FAM110B: variants seen among roughly 807,000 people sequenced by gnomAD.
FAM110B encodes family with sequence similarity 110 member B.
FAM110B carries 6 observed loss-of-function variants against 20.4 expected under a neutral mutation model. The observed-to-expected ratio is 0.29, with a 90% CI of 0.16 to 0.58. The LOEUF (loss-of-function observed/expected upper bound fraction) is 0.58, where lower values mean the gene tolerates loss of function less well. Ranked by LOEUF, FAM110B falls within the 20% of genes least tolerant of loss-of-function variation. FAM110B has a pLI of 0.90. For missense variants in FAM110B, 434 were observed against 498.2 expected, an observed-to-expected ratio of 0.87 and a Z score of 1.23; for synonymous variants, 226 against 214.1, an observed-to-expected ratio of 1.06 and a Z score of -0.49.
intron 2 of FAM110B, among the ~76,000 whole-genome samples, chr8:58,034,941 A>G (rs1233756824): frequency 2.6e-5 from 4 of 152,194 alleles, no homozygotes; most frequent in African/African-American, 9.6e-5. Flanking sequence ...AGTAGTAGGG[A>G]AGAATGGCCG....
chr8:58,052,119 C>A (rs1805457451), intron 2 of FAM110B, among the ~76,000 whole-genome samples: 1 of 152,214 alleles, frequency 6.6e-6, no homozygotes, highest in Non-Finnish European at 1.5e-5. Context: ...ACATGGGAAT[C>A]ATCTGTGAGG....
At chr8:58,032,214 A>G (rs1027371768) in intron 2 of FAM110B, 2 of 152,254 alleles carry the variant, frequency 1.3e-5, no homozygotes, top group Non-Finnish European at 2.9e-5. Flanking sequence ...CTCAGTGGAC[A>G]TTTAACTTCC....
intron 3 of FAM110B, among the ~76,000 whole-genome samples, chr8:58,132,397 AT>A (rs11383772): frequency 1.1e-3 from 156 of 146,600 alleles, no homozygotes; most frequent in Middle Eastern, 7.0e-3. Flanking sequence ...GCTGGCCAGT[AT>A]TTTTTTTTTT....
At chr8:58,068,445 T>TGG (rs2150588942) in intron 2 of FAM110B, among the ~76,000 whole-genome samples, 1 of 152,366 alleles carries the variant, frequency 6.6e-6, no homozygotes, top group African/African-American at 2.4e-5. Flanking sequence ...CACTGGTTTG[T>TGG]TTCCCAACAG....
chr8:58,068,704 A>C (rs2150589131), intron 2 of FAM110B, among the ~76,000 whole-genome samples: 1 of 152,280 alleles, frequency 6.6e-6, no homozygotes, highest in South Asian at 2.1e-4. Context: ...TATGAAAAAA[A>C]CCATTTAACA....
At chr8:58,114,540 A>AC (rs1807148832) in intron 3 of FAM110B, among the ~76,000 whole-genome samples, 1 of 152,172 alleles carries the variant, frequency 6.6e-6, no homozygotes, top group African/African-American at 2.4e-5. Flanking sequence ...CAGGCATTCT[A>AC]TGCAAGGCTT....
intron 3 of FAM110B, among the ~76,000 whole-genome samples, chr8:58,132,354 G>T (rs1213432730): frequency 2.0e-5 from 3 of 151,946 alleles, no homozygotes; most frequent in Non-Finnish European, 2.9e-5. Context: ...CATGGGGCTT[G>T]GCATCGTACA....
At chr8:58,114,283 C>T (rs72662405) in intron 3 of FAM110B, among the ~76,000 whole-genome samples, 12,901 of 152,002 alleles carry the variant, frequency 0.085, 808 homozygotes, top group African/African-American at 0.17. Flanking sequence ...TGCTATTCCT[C>T]GATAGTCTAA....
chr8:58,006,040 T>G (rs529228243), intron 1 of FAM110B, among the ~76,000 whole-genome samples: 1 of 152,220 alleles, frequency 6.6e-6, no homozygotes, highest in South Asian at 2.1e-4. Context: ...ATGAAATCAA[T>G]CACAATAATA....
intron 3 of FAM110B, among the ~76,000 whole-genome samples, chr8:58,094,930 G>A (rs1030672425): frequency 1.3e-5 from 2 of 152,124 alleles, no homozygotes; most frequent in Non-Finnish European, 2.9e-5. Context: ...TTCAGAACTT[G>A]TTAATGTTTC....
chr8:58,074,580 C>A (rs917492019), intron 2 of FAM110B, among the ~76,000 whole-genome samples: 3 of 152,194 alleles, frequency 2.0e-5, no homozygotes, highest in African/African-American at 7.2e-5. Context: ...GGAATATAAA[C>A]TCCATGAGAT....
At chr8:58,001,917 G>A (rs965771363) in intron 1 of FAM110B, among the ~76,000 whole-genome samples, 2 of 152,162 alleles carry the variant, frequency 1.3e-5, no homozygotes, top group Admixed American at 1.3e-4. Flanking sequence ...AGGCTGAGAA[G>A]TCCCATGATC....
At chr8:58,021,506 C>T (rs891163255) in intron 1 of FAM110B, among the ~76,000 whole-genome samples, 4 of 152,128 alleles carry the variant, frequency 2.6e-5, no homozygotes, top group African/African-American at 9.7e-5. Flanking sequence ...ATTACTACTA[C>T]TTATGGTTTA....
Position 58,143,835 on chromosome 8 carries a change from C to T in FAM110B, c.-324-2072C>T, listed in dbSNP as rs569043502. 7.9e-5 allele frequency among the ~76,000 whole-genome samples: 12 copies of T among 152,278 alleles called. No homozygotes were observed. In the East Asian group the frequency reaches 2.3e-3, roughly 29 times the overall value. ...GAAGAGAAGATGGTTAGAAGAGAAG[C>T]ACAGGCCTGCATGAGGAGGAATGTT... On this transcript the variant is annotated intron_variant, in intron 3 of 3. Transcript: ENST00000519262.
chr8:58,010,999 A>T (rs994027101), intron 1 of FAM110B, among the ~76,000 whole-genome samples: 7 of 152,172 alleles, frequency 4.6e-5, no homozygotes, highest in African/African-American at 1.4e-4. Flanking sequence ...TTTCTCAAAG[A>T]ACATCTAGCT....
chr8:58,014,931 A>G (rs865795686), intron 1 of FAM110B, among the ~76,000 whole-genome samples: 10 of 152,350 alleles, frequency 6.6e-5, no homozygotes, highest in Middle Eastern at 6.8e-3. Flanking sequence ...TAGGCCATGA[A>G]AATGTACTTA....
Position 58,147,026 on chromosome 8 carries a change from AG to A in FAM110B, c.797del (p.Arg266AsnfsTer38). ...GCGGTCTAAGTCAGACTTGAGTGACAGATATTTCCGAGTGGACGCGGACGTG... is the reference window on the plus strand; with the variant it reads ...GCGGTCTAAGTCAGACTTGAGTGACAATATTTCCGAGTGGACGCGGACGTG... Reference protein sequence around the residue: ...LQRSKSDLSDRYFRVDADVER... With the variant: ...LQRSKSDLSDXYFRVDADVER... On this transcript the variant is annotated frameshift_variant, in exon 4 of 4. Transcript: ENST00000519262. LOFTEE classifies it high-confidence loss of function. 6.2e-7 allele frequency: 1 copy of A among 1,614,224 alleles called. No homozygotes were observed. Among genetic ancestry groups the A allele is most frequent in the Middle Eastern group, 1.6e-4 (1 of 6,062 alleles).
At chr8:58,057,424 T>C (rs1353587394) in intron 2 of FAM110B, among the ~76,000 whole-genome samples, 1 of 152,204 alleles carries the variant, frequency 6.6e-6, no homozygotes, top group African/African-American at 2.4e-5. Context: ...CTGTATTTCC[T>C]AGACATTGGG....
intron 2 of FAM110B, among the ~76,000 whole-genome samples, chr8:58,066,083 T>C (rs1397129053): frequency 6.6e-6 from 1 of 152,174 alleles, no homozygotes; most frequent in Admixed American, 6.5e-5. Context: ...CTTTAATTCA[T>C]GCCCCTTCCA....
Sources: gnomAD v4.1 joint callset for allele counts (sites outside exome capture counted in the v4.1 genomes callset) on GRCh38, gnomAD v4.1.1 for gene constraint, MANE v1.5 for transcripts, NCBI Gene and HGNC (gene_info 2026-07-23, HGNC 2026-07-21) for gene names.